Variants in PRTFDC1 observed in about 807,000 individuals in gnomAD.
PRTFDC1 encodes phosphoribosyl transferase domain containing 1, also known as phosphoribosyltransferase domain-containing protein 1.
In PRTFDC1, 38 loss-of-function variants were observed where a neutral mutation model predicts 34.6. The observed-to-expected ratio is 1.10, with a 90% CI of 0.85 to 1.44. The LOEUF is 1.44. PRTFDC1 is among the 40% of genes most tolerant of loss of function. The pLI is 0.00. For synonymous variants in PRTFDC1, 93 were observed against 98.1 expected, an observed-to-expected ratio of 0.95 and a Z score of 0.31; for missense variants, 270 against 283.0, an observed-to-expected ratio of 0.95 and a Z score of 0.33.
chr10:24,952,376 G>A lies in PRTFDC1; in HGVS notation c.48+152C>T, dbSNP rs143885621. On this transcript the variant is annotated intron_variant, in intron 1 of 8. Transcript: ENST00000320152. The surrounding 1 kb of genome is among the most constrained non-coding windows in gnomAD (Gnocchi z 5.1). ...GATTGGGGGCGGGGAGAGGAGGCCC[G>A]GGTCCGAGGATGGAAGCGATCCCCG... 9.4e-6 allele frequency: 8 copies of A among 850,316 alleles called. No homozygotes were observed. The highest frequency in any genetic ancestry group is 5.0e-5 in the African/African-American group (3 of 59,554). The allele number at this position is 850,316 out of a possible 1,614,324, so 52.7% of individuals were successfully genotyped here. A position where few individuals can be genotyped will look rare whatever the true frequency, so the allele number is the denominator to read the frequency against.
intron 1 of PRTFDC1, chr10:24,951,631 C>T (rs1364243249): frequency 2.0e-6 from 2 of 984,234 alleles, no homozygotes; most frequent in Admixed American, 6.2e-5. Context: ...GCAAGTTAGC[C>T]CCACCCACCA....
At chr10:24,895,709 A>ATATATATATATATATC (rs1848348096) in intron 3 of PRTFDC1, among the ~76,000 whole-genome samples, 1 of 137,408 alleles carries the variant, frequency 7.3e-6, no homozygotes, top group Non-Finnish European at 1.6e-5. Flanking sequence ...ATATATATAT[A>ATATATATATATATATC]TATATATATA....
At chr10:24,937,066 C>T in intron 3 of PRTFDC1, 118 bp downstream of exon 3, 3 of 954,074 alleles carry the variant, frequency 3.1e-6, no homozygotes, top group Non-Finnish European at 3.0e-6. Context: ...TAAAATTACC[C>T]TTCATTTTCA....
intron 3 of PRTFDC1, among the ~76,000 whole-genome samples, chr10:24,929,227 A>C (rs141690762): frequency 7.2e-5 from 11 of 152,182 alleles, no homozygotes; most frequent in African/African-American, 2.6e-4. Context: ...AGATAACAAG[A>C]GCTGACTGAT....
chr10:24,915,522 A>G (rs1276175550), intron 3 of PRTFDC1, among the ~76,000 whole-genome samples: 1 of 152,110 alleles, frequency 6.6e-6, no homozygotes, highest in African/African-American at 2.4e-5. Context: ...TCCACTTCCC[A>G]TAACTGGGTG....
chr10:24,859,414 C>T (rs1847638301), intron 4 of PRTFDC1, among the ~76,000 whole-genome samples: 1 of 152,222 alleles, frequency 6.6e-6, no homozygotes, highest in South Asian at 2.1e-4. Flanking sequence ...TATGCACCAC[C>T]ACGCCTGGCT....
chr10:24,852,074 G>GATTTC (rs2132484866), intron 7 of PRTFDC1, among the ~76,000 whole-genome samples: 1 of 152,196 alleles, frequency 6.6e-6, no homozygotes, highest in East Asian at 1.9e-4. Context: ...ATATTAATGA[G>GATTTC]CTCCCTACTG....
intron 3 of PRTFDC1, among the ~76,000 whole-genome samples, chr10:24,912,220 G>C (rs1848636273): frequency 8.5e-6 from 1 of 117,242 alleles, no homozygotes; most frequent in African/African-American, 3.2e-5. Flanking sequence ...AGTGAGCAGA[G>C]ATCAGGCCAT....
chr10:24,918,025 G>T (rs1848723704), intron 3 of PRTFDC1, among the ~76,000 whole-genome samples: 1 of 152,100 alleles, frequency 6.6e-6, no homozygotes, highest in South Asian at 2.1e-4. Context: ...CTGCAATAGT[G>T]GTAGAAGGGG....
At chr10:24,927,804 T>C (rs1848903344) in intron 3 of PRTFDC1, among the ~76,000 whole-genome samples, 1 of 151,938 alleles carries the variant, frequency 6.6e-6, no homozygotes, top group South Asian at 2.1e-4. Flanking sequence ...ATGGACTCTA[T>C]CTCTTGACCC....
chr10:24,882,788 G>C (rs1400744889), intron 3 of PRTFDC1, among the ~76,000 whole-genome samples: 1 of 151,308 alleles, frequency 6.6e-6, no homozygotes, highest in Non-Finnish European at 1.5e-5. Flanking sequence ...CTACAGGTGT[G>C]TGCCACCATG....
chr10:24,889,799 T>C (rs1308374886), intron 3 of PRTFDC1, among the ~76,000 whole-genome samples: 3 of 152,236 alleles, frequency 2.0e-5, no homozygotes, highest in Middle Eastern at 3.2e-3. Context: ...CAGTGCAGGC[T>C]TGCAAATTCC....
intron 3 of PRTFDC1, among the ~76,000 whole-genome samples, chr10:24,880,813 C>CTCTTTCTTCCTT: frequency 8.7e-6 from 1 of 115,016 alleles, no homozygotes; most frequent in South Asian, 3.6e-4. Context: ...TACTGTCTTT[C>CTCTTTCTTCCTT]TCTTTCTTTC....
At chr10:24,894,167 TA>T (rs1489405150) in intron 3 of PRTFDC1, among the ~76,000 whole-genome samples, 1 of 151,696 alleles carries the variant, frequency 6.6e-6, no homozygotes, top group East Asian at 1.9e-4. Flanking sequence ...CTGTCTCTAC[TA>T]AAAAATACAA....
At chr10:24,879,136 C>T (rs1439882068) in intron 3 of PRTFDC1, among the ~76,000 whole-genome samples, 2 of 152,132 alleles carry the variant, frequency 1.3e-5, no homozygotes, top group Non-Finnish European at 2.9e-5. Flanking sequence ...TTGATACCAG[C>T]TCAGATAATA....
chr10:24,875,979 C>T, intron 3 of PRTFDC1, among the ~76,000 whole-genome samples: 1 of 151,870 alleles, frequency 6.6e-6, no homozygotes, highest in Non-Finnish European at 1.5e-5. Context: ...CCTTGGCTTC[C>T]CAAAGTGCTA....
intron 4 of PRTFDC1, among the ~76,000 whole-genome samples, chr10:24,870,561 G>C (rs1847853406): frequency 6.6e-6 from 1 of 152,126 alleles, no homozygotes. Context: ...TGACGTATTA[G>C]CTAAAGACCA....
At chr10:24,908,299 C>T in intron 3 of PRTFDC1, 1 of 637,954 alleles carries the variant, frequency 1.6e-6, no homozygotes. Context: ...AAGACTACCA[C>T]ATTGTATTTC....
intron 4 of PRTFDC1, among the ~76,000 whole-genome samples, chr10:24,869,341 C>A (rs116111133): frequency 0.014 from 2,144 of 151,998 alleles, 62 homozygotes; most frequent in African/African-American, 0.049. Flanking sequence ...CTAACAAACT[C>A]ACTCCATAAG....
Sources: allele counts gnomAD v4.1 joint callset (sites outside exome capture counted in the v4.1 genomes callset), GRCh38; gene constraint gnomAD v4.1.1; non-coding constraint Gnocchi (gnomAD v3.1); transcripts MANE v1.5; gene names NCBI Gene and HGNC (gene_info 2026-07-23, HGNC 2026-07-21).